Variants in APBA2 observed in about 807,000 individuals in gnomAD.
APBA2 encodes amyloid beta precursor protein binding family A member 2, also known as amyloid-beta A4 precursor protein-binding family A member 2.
In APBA2, 30 loss-of-function variants were observed where a neutral mutation model predicts 75.0. That is an observed-to-expected ratio of 0.40 (90% CI 0.30 to 0.54). The LOEUF (loss-of-function observed/expected upper bound fraction) is 0.54, where lower values mean the gene tolerates loss of function less well. APBA2 is among the 20% of genes least tolerant of loss of function. APBA2 has a pLI of 0.49. For synonymous variants in APBA2, 444 were observed against 409.6 expected (o/e 1.08, Z -1.01); for missense variants, 801 against 1,016.1 (o/e 0.79, Z 2.88).
At chr15:29,048,933 C>A (rs1369767461) in intron 3 of APBA2, among the ~76,000 whole-genome samples, 1 of 149,076 alleles carries the variant, frequency 6.7e-6, no homozygotes, top group East Asian at 1.9e-4. Flanking sequence ...CAGAGCAAGA[C>A]TCAGTCTCAA....
chr15:29,027,747 G>T (rs569855790), intron 3 of APBA2, among the ~76,000 whole-genome samples: 97 of 151,768 alleles, frequency 6.4e-4, no homozygotes, highest in South Asian at 2.5e-3. Context: ...GACTACAGGC[G>T]CCTGCCACCA....
chr15:28,914,645 C>G (rs1471520236), intron 1 of APBA2, among the ~76,000 whole-genome samples: 3 of 152,036 alleles, frequency 2.0e-5, no homozygotes, highest in African/African-American at 7.3e-5. Flanking sequence ...CCGCGCACCC[C>G]GGACCTCCCC....
At chr15:29,108,418 C>T in intron 13 of APBA2, 29 bp downstream of exon 13, 1 of 1,613,808 alleles carries the variant, frequency 6.2e-7, no homozygotes, top group South Asian at 1.1e-5. Context: ...TCTGGGCCAC[C>T]ACCACCACTG....
chr15:28,985,968 C>G (rs1476308164), intron 2 of APBA2, among the ~76,000 whole-genome samples: 1 of 152,204 alleles, frequency 6.6e-6, no homozygotes, highest in Non-Finnish European at 1.5e-5. Context: ...CACCTCCATT[C>G]CAGCAAGATC....
intron 9 of APBA2, among the ~76,000 whole-genome samples, chr15:29,098,919 C>T (rs1015558446): frequency 6.6e-6 from 1 of 152,198 alleles, no homozygotes; most frequent in Non-Finnish European, 1.5e-5. Flanking sequence ...CCACTCCCAA[C>T]CCAGTGCCGT....
intron 2 of APBA2, chr15:28,976,994 A>T (rs1170976528): frequency 1.3e-5 from 2 of 152,236 alleles, no homozygotes; most frequent in Admixed American, 6.5e-5. Context: ...TTTCCTTAAC[A>T]TTTAAAGTCT....
chr15:29,114,011 G>T lies in APBA2; in HGVS notation c.2173G>T (p.Gly725Ter). The T allele has an allele frequency of 6.2e-7, 1 of 1,613,766 alleles. No homozygotes were observed. Among genetic ancestry groups the T allele is most frequent in the Non-Finnish European group, 8.5e-7 (1 of 1,180,028 alleles). ...AGTCCAAGCTCTGTCCAACTCGGTC[G>T]GAGAGGTAAGGAGGGACTTTGAGTG... is the stretch of plus-strand genomic sequence containing the variant. Reference protein sequence around the residue: ...KIVQALSNSVGEIHMKTMPAA... With the variant: ...KIVQALSNSV Residue 725 changes from glycine (G) to a stop codon, truncating the protein, a stop_gained, in exon 14 of 15, where the codon GGA becomes TGA. Coordinates refer to ENST00000683413, the MANE Select transcript of APBA2 (RefSeq NM_001353788.2). LOFTEE classifies it high-confidence loss of function.
chr15:28,908,690 C>A (rs1595434765), intron 1 of APBA2, among the ~76,000 whole-genome samples: 1 of 152,158 alleles, frequency 6.6e-6, no homozygotes, highest in East Asian at 1.9e-4. Flanking sequence ...AGGAAACATT[C>A]TGAGAGAATC....
intron 3 of APBA2, among the ~76,000 whole-genome samples, chr15:29,003,937 C>T (rs1049880223): frequency 1.3e-5 from 2 of 152,212 alleles, no homozygotes; most frequent in Admixed American, 1.3e-4. Context: ...GGAAGAGTGG[C>T]TGATTGCCTA....
At chr15:29,004,869 G>A (rs540340057) in intron 3 of APBA2, among the ~76,000 whole-genome samples, 69 of 152,138 alleles carry the variant, frequency 4.5e-4, no homozygotes, top group African/African-American at 1.6e-3. Flanking sequence ...TAGTAGAGAT[G>A]GCGTTTCTCC....
At position 28,975,654 on chromosome 15, in the gene APBA2, A is replaced by C. The variant is rs549281411; in HGVS notation, c.-94-20099A>C. 2.0e-5 allele frequency among the ~76,000 whole-genome samples: 3 copies of C among 152,356 alleles called. No individual in the cohort carries two copies. In the East Asian group the frequency reaches 5.8e-4, roughly 29 times the overall value. On this transcript the variant is annotated intron_variant, in intron 2 of 14. Transcript: ENST00000683413. ...GAGAAATTTGGTTGCATTAGGAAAA[A>C]AACAAAACAAAACTGCTTTCGCATG...
At chr15:28,927,168 C>G (rs1033220220) in intron 2 of APBA2, among the ~76,000 whole-genome samples, 1 of 151,878 alleles carries the variant, frequency 6.6e-6, no homozygotes, top group Non-Finnish European at 1.5e-5. Context: ...TATCCACCCT[C>G]TTCTTCCTTT....
At chr15:28,888,704 T>G (rs1357726301) in intron 1 of APBA2, among the ~76,000 whole-genome samples, 1 of 152,144 alleles carries the variant, frequency 6.6e-6, no homozygotes, top group East Asian at 1.9e-4. Context: ...CCTTGCAGCC[T>G]GGTCCTTAGA....
intron 1 of APBA2, among the ~76,000 whole-genome samples, chr15:28,892,488 G>C (rs1327459009): frequency 1.3e-5 from 2 of 152,184 alleles, no homozygotes; most frequent in Non-Finnish European, 2.9e-5. Context: ...CAGGTGTGTA[G>C]CCTGGGAGCA....
chr15:29,072,969 G>A (rs112259688), intron 4 of APBA2, among the ~76,000 whole-genome samples: 1 of 152,252 alleles, frequency 6.6e-6, no homozygotes, highest in South Asian at 2.1e-4. Context: ...TTAAAGCCCG[G>A]TGCCCGCTCC....
intron 3 of APBA2, among the ~76,000 whole-genome samples, chr15:29,031,873 C>T (rs1276022974): frequency 6.6e-6 from 1 of 152,234 alleles, no homozygotes; most frequent in Non-Finnish European, 1.5e-5. Context: ...GGAAGTTCAG[C>T]TGGCTTCACC....
At chr15:29,095,078 A>G in intron 8 of APBA2, among the ~76,000 whole-genome samples, 1 of 151,732 alleles carries the variant, frequency 6.6e-6, no homozygotes, top group East Asian at 1.9e-4. Context: ...TAAAGAAAAA[A>G]AAAAGAAACA....
chr15:29,093,235 AG>A lies in APBA2; in HGVS notation c.1215+18del, dbSNP rs2043671856. The A allele has an allele frequency of 6.2e-7, 1 of 1,613,918 alleles. No individual in the cohort carries two copies. The highest frequency in any genetic ancestry group is 1.3e-5 in the African/African-American group (1 of 74,950). ...GCCGGGTCAAGGTAGAGGTGCTTCG[AG>A]GGCCCCTCGCGGATGCCCGCACACT... On this transcript the variant is annotated intron_variant, in intron 7 of 14. Coordinates refer to ENST00000683413, the MANE Select transcript of APBA2 (RefSeq NM_001353788.2).
At chr15:28,960,148 CA>C (rs59345963) in intron 2 of APBA2, among the ~76,000 whole-genome samples, 3,944 of 93,176 alleles carry the variant, frequency 0.042, 52 homozygotes, top group South Asian at 0.056. Flanking sequence ...GACCTTGTTT[CA>C]AAAAAAAAAA....
Sources: allele counts gnomAD v4.1 joint callset (sites outside exome capture counted in the v4.1 genomes callset), GRCh38; gene constraint gnomAD v4.1.1; transcripts MANE v1.5; gene names NCBI Gene and HGNC (gene_info 2026-07-23, HGNC 2026-07-21).